SLC20A2: variants seen among roughly 807,000 people sequenced by gnomAD.
SLC20A2 encodes the protein sodium-dependent phosphate transporter 2.
Under a neutral mutation model 61.0 loss-of-function variants are expected in SLC20A2, and 30 were observed. The observed-to-expected ratio is 0.49, with a 90% CI of 0.37 to 0.67. SLC20A2 has a LOEUF of 0.67. SLC20A2 is among the 30% of genes least tolerant of loss of function. The pLI is 0.00. For missense variants in SLC20A2, 626 were observed against 866.4 expected, an observed-to-expected ratio of 0.72 and a Z score of 3.48; for synonymous variants, 351 against 353.3, an observed-to-expected ratio of 0.99 and a Z score of 0.07.
chr8:42,484,195 C>T (rs1230215549), intron 1 of SLC20A2, among the ~76,000 whole-genome samples: 1 of 152,206 alleles, frequency 6.6e-6, no homozygotes, highest in Non-Finnish European at 1.5e-5. Flanking sequence ...TTCCTCTTTG[C>T]CATGTGGGAG....
chr8:42,487,795 C>T (rs1025017956), intron 1 of SLC20A2, among the ~76,000 whole-genome samples: 3 of 152,262 alleles, frequency 2.0e-5, no homozygotes, highest in South Asian at 2.1e-4. Flanking sequence ...GGTTCAGTGG[C>T]GTTAGGTATA....
intron 1 of SLC20A2, among the ~76,000 whole-genome samples, chr8:42,479,120 T>C (rs1482559163): frequency 6.6e-6 from 1 of 152,134 alleles, no homozygotes; most frequent in Non-Finnish European, 1.5e-5. Flanking sequence ...CTCTTCAAAT[T>C]CACAAGGAAA....
At chr8:42,528,323 G>A (rs777154384) in intron 1 of SLC20A2, among the ~76,000 whole-genome samples, 9 of 152,038 alleles carry the variant, frequency 5.9e-5, no homozygotes, top group East Asian at 3.9e-4. Context: ...TTAGCCGGGC[G>A]TAGTGGTGGG....
At chr8:42,539,266 C>CCAGT (rs2131465036) in intron 1 of SLC20A2, among the ~76,000 whole-genome samples, 1 of 152,310 alleles carries the variant, frequency 6.6e-6, no homozygotes, top group Non-Finnish European at 1.5e-5. Flanking sequence ...ATCCAACTCT[C>CCAGT]CAGTCCTTTC....
intron 8 of SLC20A2, among the ~76,000 whole-genome samples, chr8:42,430,658 G>A (rs1034366658): frequency 1.3e-5 from 2 of 152,146 alleles, no homozygotes; most frequent in Non-Finnish European, 2.9e-5. Flanking sequence ...ACTGTACCTG[G>A]CCTTCAGATA....
At chr8:42,475,057 C>G (rs926936972) in intron 1 of SLC20A2, among the ~76,000 whole-genome samples, 9 of 152,064 alleles carry the variant, frequency 5.9e-5, no homozygotes, top group East Asian at 1.9e-4. Flanking sequence ...ACCATGTGGA[C>G]AGTGGGGTGC....
At position 42,437,905 on chromosome 8, in the gene SLC20A2, T is replaced by G. The variant is rs1804427354; in HGVS notation, c.935-328A>C. ...CTCGGATTACAAGCGTGAGCCAACG[T>G]GCCCAGCCCCAGCCTTTCGAATATA... On this transcript the variant is annotated intron_variant, in intron 7 of 10. Coordinates refer to ENST00000520262, the MANE Select transcript of SLC20A2 (RefSeq NM_001257180.2). The surrounding 1 kb of genome is among the most constrained non-coding windows in gnomAD (Gnocchi z 6.4). Among the ~76,000 whole-genome samples the G allele has an allele frequency of 6.6e-6, 1 of 151,750 alleles. No homozygotes were observed. Among genetic ancestry groups the G allele is most frequent in the African/African-American group, 2.4e-5 (1 of 41,354 alleles).
At chr8:42,502,064 T>C (rs1023722442), upstream of SLC20A2, among the ~76,000 whole-genome samples, 1 of 152,238 alleles carries the variant, frequency 6.6e-6, no homozygotes. Flanking sequence ...TCTGATGACA[T>C]ATTTTGCTCT....
chr8:42,417,683 G>A lies in SLC20A2; in HGVS notation c.*120C>T. 9.1e-7 allele frequency: 1 copy of A among 1,093,982 alleles called. No individual in the cohort carries two copies. Among genetic ancestry groups the A allele is most frequent in the Non-Finnish European group, 1.3e-6 (1 of 753,332 alleles). 67.8% of individuals were successfully genotyped at this position (1,093,982 alleles called of 1,614,324 possible). On this transcript the variant is annotated 3_prime_UTR_variant, in exon 11 of 11. Transcript: ENST00000520262. ...TGGAGCCTCCTGGAAGGGAGGCAGA[G>A]AGCTGGTCATGAGAGAGCCGTGCAC...
upstream of SLC20A2, among the ~76,000 whole-genome samples, chr8:42,501,674 T>C (rs1217204238): frequency 6.6e-6 from 1 of 152,274 alleles, no homozygotes; most frequent in Non-Finnish European, 1.5e-5. Context: ...AATGAACTGA[T>C]TGCAGGGACT....
chr8:42,422,380 T>A (rs1261336041), intron 10 of SLC20A2, among the ~76,000 whole-genome samples: 1 of 152,224 alleles, frequency 6.6e-6, no homozygotes, highest in Non-Finnish European at 1.5e-5. Flanking sequence ...TTTTTCAGCA[T>A]CTTGCTTAAA....
intron 5 of SLC20A2, among the ~76,000 whole-genome samples, chr8:42,458,005 G>A (rs1490674124): frequency 2.6e-5 from 4 of 152,120 alleles, no homozygotes; most frequent in African/African-American, 7.2e-5. Context: ...GGCGCTTTTC[G>A]ATTATGATAG....
chr8:42,461,640 TG>T (rs1200737556), intron 4 of SLC20A2, among the ~76,000 whole-genome samples: 1 of 152,052 alleles, frequency 6.6e-6, no homozygotes, highest in East Asian at 1.9e-4. Context: ...TTAGTAGAGA[TG>T]GGGTTTCGCT....
In SLC20A2 at chr8:42,463,106, A is replaced by C; in HGVS notation, c.431-16T>G. The C allele has an allele frequency of 1.4e-6, 2 of 1,465,068 alleles. No homozygotes were observed. Among genetic ancestry groups the C allele is most frequent in the Non-Finnish European group, 1.9e-6 (2 of 1,067,450 alleles). 90.8% of individuals were successfully genotyped at this position (1,465,068 alleles called of 1,614,324 possible). On this transcript the variant is annotated splice_polypyrimidine_tract_variant and intron_variant, in intron 3 of 10. Coordinates refer to ENST00000520262, the MANE Select transcript of SLC20A2 (RefSeq NM_001257180.2). ...CAAGAAGCAACTGAATAATTAAAAAAAAAATCTAATGAATGTTAAAATTCA... is the reference window on the plus strand; with the variant it reads ...CAAGAAGCAACTGAATAATTAAAAACAAAATCTAATGAATGTTAAAATTCA...
At chr8:42,515,006 A>G (rs1234048369) in intron 1 of SLC20A2, among the ~76,000 whole-genome samples, 1 of 152,346 alleles carries the variant, frequency 6.6e-6, no homozygotes, top group African/African-American at 2.4e-5. Context: ...AGTATAAACA[A>G]TAAACATGTA....
chr8:42,465,973 A>T, intron 2 of SLC20A2, 56 bp from the exon 3 acceptor site: 1 of 1,475,514 alleles, frequency 6.8e-7, no homozygotes, highest in Non-Finnish European at 9.1e-7. Flanking sequence ...TGCAGACACC[A>T]AGGGAAGAAA....
chr8:42,484,205 G>A (rs1808768336), intron 1 of SLC20A2, among the ~76,000 whole-genome samples: 1 of 152,224 alleles, frequency 6.6e-6, no homozygotes, highest in Non-Finnish European at 1.5e-5. Context: ...CCATGTGGGA[G>A]AATCTGTTCA....
chr8:42,443,264 G>GTTTTAT lies in SLC20A2; in HGVS notation c.730+1381_730+1382insATAAAA, dbSNP rs1187147221. ...TATAATAATACAATTATTATTATAG[G>GTTTTAT]ATATATATATATATATATATATATA... On this transcript the variant is annotated intron_variant, in intron 6 of 10. Coordinates refer to ENST00000520262, the MANE Select transcript of SLC20A2 (RefSeq NM_001257180.2). Among the ~76,000 whole-genome samples, 127 of 105,460 alleles carry GTTTTAT rather than the reference G, an allele frequency of 1.2e-3. 1 individual carries two copies. Among genetic ancestry groups the GTTTTAT allele is most frequent in the African/African-American group, 3.9e-3 (113 of 28,952 alleles). 69.2% of individuals were successfully genotyped at this position (105,460 alleles called of 152,430 possible).
At chr8:42,538,673 G>A (rs1812865682) in intron 1 of SLC20A2, among the ~76,000 whole-genome samples, 1 of 152,198 alleles carries the variant, frequency 6.6e-6, no homozygotes, top group Non-Finnish European at 1.5e-5. Context: ...TGCATTCAGG[G>A]AGCTTAAAGG....
Sources: allele counts gnomAD v4.1 joint callset (sites outside exome capture counted in the v4.1 genomes callset), GRCh38; gene constraint gnomAD v4.1.1; non-coding constraint Gnocchi (gnomAD v3.1); transcripts MANE v1.5; gene names NCBI Gene and HGNC (gene_info 2026-07-23, HGNC 2026-07-21).